Variants in VWC2 observed in about 807,000 individuals in gnomAD.
VWC2 encodes the protein brorin.
VWC2 carries 14 observed loss-of-function variants against 29.8 expected under a neutral mutation model. The observed-to-expected ratio is 0.47, with a 90% CI of 0.31 to 0.74. The LOEUF (loss-of-function observed/expected upper bound fraction) is 0.74, where lower values mean the gene tolerates loss of function less well. VWC2 is among the 30% of genes least tolerant of loss of function. The pLI, the probability that VWC2 is intolerant of heterozygous loss-of-function variation, is 0.05. For missense variants in VWC2, 457 were observed against 459.8 expected, an observed-to-expected ratio of 0.99 and a Z score of 0.05; for synonymous variants, 213 against 199.0, an observed-to-expected ratio of 1.07 and a Z score of -0.59.
intron 3 of VWC2, among the ~76,000 whole-genome samples, chr7:49,858,155 C>T (rs1479194633): frequency 6.6e-6 from 1 of 152,182 alleles, no homozygotes; most frequent in Non-Finnish European, 1.5e-5. Flanking sequence ...CTCTCCAGCA[C>T]CTGTTGCTTC....
intron 2 of VWC2, among the ~76,000 whole-genome samples, chr7:49,784,763 G>T (rs1311203441): frequency 6.6e-6 from 1 of 152,208 alleles, no homozygotes; most frequent in African/African-American, 2.4e-5. Flanking sequence ...AATGGAATAT[G>T]TGTTTTTAAA....
At chr7:49,774,639 G>A (rs896717123) in intron 1 of VWC2, among the ~76,000 whole-genome samples, 1 of 152,218 alleles carries the variant, frequency 6.6e-6, no homozygotes, top group Non-Finnish European at 1.5e-5. Flanking sequence ...TGGCTCCCAA[G>A]GCTCGGAGGG....
At chr7:49,898,195 T>C (rs1358860071) in intron 3 of VWC2, among the ~76,000 whole-genome samples, 1 of 152,082 alleles carries the variant, frequency 6.6e-6, no homozygotes. Context: ...TGTGTGTGTA[T>C]ATATGTATGC....
chr7:49,789,192 T>G (rs961549235), intron 2 of VWC2, among the ~76,000 whole-genome samples: 1 of 146,036 alleles, frequency 6.8e-6, no homozygotes, highest in African/African-American at 2.5e-5. Context: ...TGTGGGTGCA[T>G]GTGTGAGTGT....
At chr7:49,906,321 T>C (rs1478783434) in intron 3 of VWC2, among the ~76,000 whole-genome samples, 1 of 151,926 alleles carries the variant, frequency 6.6e-6, no homozygotes, top group East Asian at 1.9e-4. Context: ...ATATAGTAAA[T>C]ATTAACTGTC....
At chr7:49,897,243 T>C (rs1428081608) in intron 3 of VWC2, among the ~76,000 whole-genome samples, 1 of 152,188 alleles carries the variant, frequency 6.6e-6, no homozygotes, top group African/African-American at 2.4e-5. Context: ...TACCAAACAT[T>C]GAAAGAAGAA....
intron 3 of VWC2, among the ~76,000 whole-genome samples, chr7:49,865,852 C>T (rs1790862882): frequency 6.6e-6 from 1 of 152,146 alleles, no homozygotes; most frequent in Non-Finnish European, 1.5e-5. Flanking sequence ...TCTCAAAGTC[C>T]GGATGTCTCT....
chr7:49,872,243 CAG>C (rs760110449), intron 3 of VWC2, among the ~76,000 whole-genome samples: 111 of 152,060 alleles, frequency 7.3e-4, no homozygotes, highest in Middle Eastern at 3.4e-3. Flanking sequence ...GGTGGAGAGA[CAG>C]AGGGGCTACT....
rs183236659 is a variant in VWC2 at position 49,848,114 on chromosome 7, G to A, written c.826+45274G>A. Among the ~76,000 whole-genome samples, 114 of 152,354 alleles carry A rather than the reference G, an allele frequency of 7.5e-4. 1 individual carries two copies. The highest frequency in any genetic ancestry group is 3.3e-3 in the Admixed American group (50 of 15,304). On this transcript the variant is annotated intron_variant, in intron 3 of 3. Coordinates refer to ENST00000340652, the MANE Select transcript of VWC2 (RefSeq NM_198570.5). ...TGTCTCTGGGAGAAATGTAACAGGA[G>A]TCAGCTTTGTGAGTGGGATGCCCTG...
At chr7:49,795,602 A>G (rs1416108507) in intron 2 of VWC2, among the ~76,000 whole-genome samples, 1 of 152,210 alleles carries the variant, frequency 6.6e-6, no homozygotes, top group East Asian at 1.9e-4. Flanking sequence ...CCCCATTCTT[A>G]AGGGTTGGGT....
At chr7:49,823,400 G>C (rs1359138077) in intron 3 of VWC2, among the ~76,000 whole-genome samples, 4 of 152,202 alleles carry the variant, frequency 2.6e-5, no homozygotes, top group Non-Finnish European at 4.4e-5. Context: ...CTAGATGTTG[G>C]ACTCTGCAGA....
chr7:49,837,542 G>A (rs1024440757), intron 3 of VWC2, among the ~76,000 whole-genome samples: 3 of 152,176 alleles, frequency 2.0e-5, no homozygotes, highest in Non-Finnish European at 4.4e-5. Flanking sequence ...CATGGGGAGA[G>A]TTCTGGACAT....
chr7:49,880,014 G>A (rs1791600423), intron 3 of VWC2, among the ~76,000 whole-genome samples: 1 of 152,102 alleles, frequency 6.6e-6, no homozygotes, highest in Non-Finnish European at 1.5e-5. Flanking sequence ...AAATAGTAAT[G>A]ACCAGAGGGA....
chr7:49,779,038 G>GGAGAGAGAGAGA (rs58968931), intron 2 of VWC2, among the ~76,000 whole-genome samples: 2 of 149,852 alleles, frequency 1.3e-5, no homozygotes, highest in Non-Finnish European at 3.0e-5. Flanking sequence ...TTCCAGAGAG[G>GGAGAGAGAGAGA]GAGAGAGAGA....
intron 3 of VWC2, among the ~76,000 whole-genome samples, chr7:49,905,238 A>G (rs974864255): frequency 2.2e-4 from 33 of 152,314 alleles, no homozygotes; most frequent in Admixed American, 1.3e-3. Context: ...ATGATGTATT[A>G]GGAAAAGGGG....
intron 2 of VWC2, among the ~76,000 whole-genome samples, chr7:49,802,323 C>T (rs1788757344): frequency 6.6e-6 from 1 of 151,316 alleles, no homozygotes; most frequent in Non-Finnish European, 1.5e-5. Flanking sequence ...ACTTAGGTGT[C>T]TTCGCAGAAA....
intron 2 of VWC2, among the ~76,000 whole-genome samples, chr7:49,789,056 A>AGGTGTG (rs1788384702): frequency 8.4e-6 from 1 of 119,646 alleles, no homozygotes; most frequent in African/African-American, 3.3e-5. Flanking sequence ...GTGTGGGTGT[A>AGGTGTG]TGTGTGGGTG....
At chr7:49,892,053 TTTTTTTTTTG>T in intron 3 of VWC2, among the ~76,000 whole-genome samples, 1 of 134,306 alleles carries the variant, frequency 7.4e-6, no homozygotes. Flanking sequence ...TTTTTTTTTT[TTTTTTTTTTG>T]AGACGGAGTC....
chr7:49,914,245 C>G lies in VWC2; in HGVS notation c.*2060C>G, dbSNP rs913670823. On this transcript the variant is annotated 3_prime_UTR_variant, in exon 4 of 4. Coordinates refer to ENST00000340652, the MANE Select transcript of VWC2 (RefSeq NM_198570.5). Reference sequence around the variant, plus strand: ...TCAGTCCATGCAGCTCAAAGTCTTCCTGTTTCCCTTAATAATAATTCCTAC... The same window carrying G: ...TCAGTCCATGCAGCTCAAAGTCTTCGTGTTTCCCTTAATAATAATTCCTAC... The G allele has an allele frequency of 2.6e-5, 4 of 152,246 alleles. No individual in the cohort carries two copies. The highest frequency in any genetic ancestry group is 3.8e-4 in the East Asian group (2 of 5,200). The allele number at this position is 152,246 out of a possible 1,614,324, so 9.4% of individuals were successfully genotyped here.
Sources: gnomAD v4.1 joint callset for allele counts (sites outside exome capture counted in the v4.1 genomes callset) on GRCh38, gnomAD v4.1.1 for gene constraint, MANE v1.5 for transcripts, NCBI Gene and HGNC (gene_info 2026-07-23, HGNC 2026-07-21) for gene names.